The following SEMA3A variants were observed in gnomAD, a reference collection of about 807,000 sequenced individuals.
SEMA3A encodes the protein semaphorin 3A.
A neutral mutation model predicts 97.9 loss-of-function variants in SEMA3A; 29 were observed. The observed-to-expected ratio is 0.30, with a 90% confidence interval of 0.22 to 0.40. The LOEUF is 0.40. SEMA3A is among the 10% of genes least tolerant of loss of function. SEMA3A has a pLI of 1.00. For missense variants in SEMA3A, 763 were observed against 951.3 expected, an observed-to-expected ratio of 0.80 and a Z score of 2.60; for synonymous variants, 321 against 323.7, an observed-to-expected ratio of 0.99 and a Z score of 0.09.
At chr7:83,989,705 T>G (rs28788499) in intron 12 of SEMA3A, among the ~76,000 whole-genome samples, 2,345 of 136,298 alleles carry the variant, frequency 0.017, 60 homozygotes, top group African/African-American at 0.062. Context: ...ATTTTCTTAA[T>G]CCAGTCTATC....
At chr7:84,141,503 A>T (rs1467132413) in intron 1 of SEMA3A, among the ~76,000 whole-genome samples, 1 of 151,994 alleles carries the variant, frequency 6.6e-6, no homozygotes, top group Non-Finnish European at 1.5e-5. Context: ...ACTTGTATAG[A>T]CTTTTCTTTG....
chr7:84,404,279 G>A (rs1009230545), intron 1 of SEMA3A, among the ~76,000 whole-genome samples: 2 of 152,118 alleles, frequency 1.3e-5, no homozygotes, highest in Admixed American at 6.6e-5. Flanking sequence ...CAATCAACTG[G>A]AAGAAAGGGT....
At chr7:84,477,438 C>CAAAAA (rs11335984) in intron 1 of SEMA3A, among the ~76,000 whole-genome samples, 4 of 42,392 alleles carry the variant, frequency 9.4e-5, no homozygotes, top group Non-Finnish European at 1.7e-4. Flanking sequence ...GACTCTGTCT[C>CAAAAA]AAAAAAAAAA....
intron 1 of SEMA3A, among the ~76,000 whole-genome samples, chr7:84,404,929 A>G (rs1469733931): frequency 2.0e-5 from 3 of 152,096 alleles, no homozygotes; most frequent in East Asian, 1.9e-4. Flanking sequence ...GGTACCAGCC[A>G]CTGCAAAAAC....
At chr7:84,126,352 T>C (rs1017866990) in intron 3 of SEMA3A, among the ~76,000 whole-genome samples, 5 of 152,042 alleles carry the variant, frequency 3.3e-5, no homozygotes, top group African/African-American at 9.7e-5. Flanking sequence ...ACCACGGGCA[T>C]GTGCCACCAC....
intron 1 of SEMA3A, among the ~76,000 whole-genome samples, chr7:84,429,667 T>C (rs1414886018): frequency 6.7e-6 from 1 of 149,754 alleles, no homozygotes; most frequent in Non-Finnish European, 1.5e-5. Flanking sequence ...AATAGAAAGA[T>C]AGAACCTCAG....
At chr7:84,279,967 A>T (rs1477035500) in intron 3 of SEMA3A, among the ~76,000 whole-genome samples, 1 of 152,072 alleles carries the variant, frequency 6.6e-6, no homozygotes, top group East Asian at 1.9e-4. Context: ...GTGTGACCAC[A>T]TCTCACTGCA....
chr7:84,284,371 T>C (rs1800528587), intron 3 of SEMA3A, among the ~76,000 whole-genome samples: 1 of 152,088 alleles, frequency 6.6e-6, no homozygotes, highest in South Asian at 2.1e-4. Flanking sequence ...TTTTGTTCAA[T>C]CACTATGATT....
chr7:84,429,516 TTATATATATA>T lies in SEMA3A; in HGVS notation c.-245-57626_-245-57617del, dbSNP rs10523978. Among the ~76,000 whole-genome samples the T allele has an allele frequency of 0.023, 1,696 of 72,392 alleles. 223 individuals carry two copies. The East Asian group carries it at 0.35, about 15-fold the overall frequency. 47.5% of individuals were successfully genotyped at this position (72,392 alleles called of 152,430 possible). A position where few individuals can be genotyped will look rare whatever the true frequency, so the allele number is the denominator to read the frequency against. ...TTGCATTAGTAAAATATAGAGTTTG[TTATATATATA>T]TATATATATATATATATATATAGCG... On this transcript the variant is annotated intron_variant, in intron 1 of 3. Transcript: ENST00000424555.
At chr7:84,255,940 A>T (rs1445935049) in intron 3 of SEMA3A, among the ~76,000 whole-genome samples, 1 of 150,080 alleles carries the variant, frequency 6.7e-6, no homozygotes, top group South Asian at 2.1e-4. Context: ...TTGAATATCT[A>T]GAGATTTATA....
rs148477823 is a variant in SEMA3A, at chr7:84,347,295, A to G, written c.-169+24529T>C. 1.2e-4 allele frequency among the ~76,000 whole-genome samples: 18 copies of G among 152,332 alleles called. 1 individual carries two copies. The East Asian group carries it at 3.5e-3, about 29-fold the overall frequency. ...ATTCTTAGTAGGGAATAACTAAAAA[A>G]CAAAACAAATTTCCATCAACTGATG... On this transcript the variant is annotated intron_variant, in intron 2 of 3. Transcript: ENST00000424555.
chr7:84,369,651 G>T (rs868012550), intron 2 of SEMA3A, among the ~76,000 whole-genome samples: 36 of 150,292 alleles, frequency 2.4e-4, no homozygotes, highest in African/African-American at 8.8e-4. Context: ...AAATAGATTA[G>T]TTGAGCATCT....
chr7:84,283,547 G>T (rs1800502530), intron 3 of SEMA3A, among the ~76,000 whole-genome samples: 1 of 151,814 alleles, frequency 6.6e-6, no homozygotes, highest in African/African-American at 2.4e-5. Flanking sequence ...ATGTATAGAA[G>T]TTGGCAACTG....
At chr7:84,421,319 C>T (rs1283472796) in intron 1 of SEMA3A, among the ~76,000 whole-genome samples, 1 of 151,972 alleles carries the variant, frequency 6.6e-6, no homozygotes, top group African/African-American at 2.4e-5. Flanking sequence ...GACATCTCCA[C>T]ATAAAAGTTG....
At chr7:84,024,468 C>A (rs1346354743) in intron 6 of SEMA3A, among the ~76,000 whole-genome samples, 1 of 128,406 alleles carries the variant, frequency 7.8e-6, no homozygotes, top group African/African-American at 2.9e-5. Context: ...ATTGCTTGAA[C>A]CCAGGAGGCG....
intron 3 of SEMA3A, among the ~76,000 whole-genome samples, chr7:84,230,690 T>C (rs1486877945): frequency 6.6e-6 from 1 of 151,952 alleles, no homozygotes; most frequent in Admixed American, 6.6e-5. Context: ...TCGGCTTGGT[T>C]TGATGTCTCA....
intron 6 of SEMA3A, among the ~76,000 whole-genome samples, chr7:84,024,006 C>T (rs1253202185): frequency 4.3e-5 from 5 of 115,388 alleles, no homozygotes; most frequent in African/African-American, 1.0e-4. Context: ...AGCGAGACTC[C>T]GTCTCAAAAA....
chr7:84,461,463 G>GCTT (rs1805836790), intron 1 of SEMA3A, among the ~76,000 whole-genome samples: 2 of 118,354 alleles, frequency 1.7e-5, no homozygotes, highest in South Asian at 5.5e-4. Flanking sequence ...TACTTGGAAA[G>GCTT]CTTTTTTTTT....
rs76373976 is a variant in SEMA3A, at chr7:84,279,867, A to G, written c.-83+27340T>C. On this transcript the variant is annotated intron_variant, in intron 3 of 3. Transcript: ENST00000424555. ...TGTTACATTTTTCTGTCTCTTGACCAGTAATGACATATTCATATATTTTTA... is the reference window on the plus strand; with the variant it reads ...TGTTACATTTTTCTGTCTCTTGACCGGTAATGACATATTCATATATTTTTA... 6.2e-3 allele frequency among the ~76,000 whole-genome samples: 940 copies of G among 152,214 alleles called. 45 individuals carry two copies. In the East Asian group the frequency reaches 0.12, roughly 19 times the overall value.
Sources: allele counts gnomAD v4.1 joint callset (sites outside exome capture counted in the v4.1 genomes callset), GRCh38; gene constraint gnomAD v4.1.1; transcripts MANE v1.5; gene names NCBI Gene and HGNC (gene_info 2026-07-23, HGNC 2026-07-21).